Variants in LSAMP observed in about 807,000 individuals in gnomAD.
The protein encoded by LSAMP is limbic system-associated membrane protein.
LSAMP carries 7 observed loss-of-function variants against 38.6 expected under a neutral mutation model. That is an observed-to-expected ratio of 0.18 (90% CI 0.10 to 0.34). The LOEUF is 0.34. LSAMP is among the 10% of genes least tolerant of loss of function. The pLI is 1.00. For synonymous variants in LSAMP, 154 were observed against 166.8 expected, an observed-to-expected ratio of 0.92 and a Z score of 0.59; for missense variants, 313 against 420.0, an observed-to-expected ratio of 0.75 and a Z score of 2.23.
At chr3:116,047,302 T>C (rs1481084279) in intron 2 of LSAMP, among the ~76,000 whole-genome samples, 1 of 151,686 alleles carries the variant, frequency 6.6e-6, no homozygotes, top group Admixed American at 6.6e-5. Flanking sequence ...GAGGCAAATA[T>C]TTCAAAGAGT....
At chr3:116,107,780 A>T (rs1244722438) in intron 1 of LSAMP, among the ~76,000 whole-genome samples, 2 of 152,136 alleles carry the variant, frequency 1.3e-5, no homozygotes, top group Non-Finnish European at 2.9e-5. Context: ...GGTGCAAAGG[A>T]ATAGTAAAGA....
chr3:116,268,244 C>A (rs959763325), intron 1 of LSAMP, among the ~76,000 whole-genome samples: 1 of 151,892 alleles, frequency 6.6e-6, no homozygotes, highest in African/African-American at 2.4e-5. Flanking sequence ...AAGATGCAAC[C>A]ATTCCTTCTT....
intron 1 of LSAMP, among the ~76,000 whole-genome samples, chr3:116,409,363 T>C (rs1476982731): frequency 2.0e-5 from 3 of 152,064 alleles, no homozygotes; most frequent in Non-Finnish European, 4.4e-5. Flanking sequence ...GGTCTTTTTC[T>C]GATCAGTACT....
Position 115,802,550 on chromosome 3 carries a change from C to T in LSAMP, c.*7767G>A, listed in dbSNP as rs375429103. On this transcript the variant is annotated 3_prime_UTR_variant, in exon 7 of 7. Transcript: ENST00000490035. ...AATTTTTTTTTTTTAACACACATTG[C>T]GCTTTTTATCTCCTTCACAGAGCTA... 10 of 149,378 alleles carry T rather than the reference C, an allele frequency of 6.7e-5. No homozygotes were observed. Among genetic ancestry groups the T allele is most frequent in the South Asian group, 2.1e-4 (1 of 4,754 alleles). The allele number at this position is 149,378 out of a possible 1,614,324, so 9.3% of individuals were successfully genotyped here.
intron 3 of LSAMP, among the ~76,000 whole-genome samples, chr3:115,890,576 T>C (rs1234172574): frequency 6.6e-6 from 1 of 151,948 alleles, no homozygotes; most frequent in Non-Finnish European, 1.5e-5. Context: ...TTCTAAGTCC[T>C]CTCACTTTCT....
Position 116,358,692 on chromosome 3 carries a change from CT to C in LSAMP, c.155+86184del, listed in dbSNP as rs2048259708. 3.3e-5 allele frequency among the ~76,000 whole-genome samples: 5 copies of C among 152,146 alleles called. No homozygotes were observed. In the South Asian group the frequency reaches 1.0e-3, roughly 32 times the overall value. ...AAGACATTCTATCTCTTTATGCATA[CT>C]TGTTTCTACACAGAAATGCTGACTG... On this transcript the variant is annotated intron_variant, in intron 1 of 6. Coordinates refer to ENST00000490035, the MANE Select transcript of LSAMP (RefSeq NM_002338.5).
intron 6 of LSAMP, among the ~76,000 whole-genome samples, chr3:115,830,859 T>A (rs987366581): frequency 4.6e-5 from 7 of 152,198 alleles, no homozygotes; most frequent in Admixed American, 2.6e-4. Flanking sequence ...TGAGGGCAGG[T>A]ACGCCCTCTC....
In LSAMP at chr3:115,808,305, T is replaced by A. The variant is rs1933694214; in HGVS notation, c.*2012A>T. On this transcript the variant is annotated 3_prime_UTR_variant, in exon 7 of 7. Transcript: ENST00000490035. ...CATACCATATTTGGCTCTGCAAGAT[T>A]ACATTCAAATATAATCTCAAAATAA... The A allele has an allele frequency of 6.6e-6, 1 of 151,884 alleles. No homozygotes were observed. The highest frequency in any genetic ancestry group is 2.4e-5 in the African/African-American group (1 of 41,294). 9.4% of individuals were successfully genotyped at this position (151,884 alleles called of 1,614,324 possible).
intron 1 of LSAMP, among the ~76,000 whole-genome samples, chr3:116,297,158 T>A (rs1261744086): frequency 6.6e-6 from 1 of 152,180 alleles, no homozygotes; most frequent in Non-Finnish European, 1.5e-5. Context: ...AGGGAATGAA[T>A]CCTGTATTTA....
intron 1 of LSAMP, among the ~76,000 whole-genome samples, chr3:116,105,591 C>T (rs141638392): frequency 2.0e-5 from 3 of 151,844 alleles, no homozygotes; most frequent in Non-Finnish European, 4.4e-5. Flanking sequence ...AGCTTCTGAG[C>T]CAGGAGAAGG....
intron 1 of LSAMP, among the ~76,000 whole-genome samples, chr3:116,396,885 C>T (rs1356357945): frequency 6.6e-6 from 1 of 152,226 alleles, no homozygotes; most frequent in Non-Finnish European, 1.5e-5. Flanking sequence ...ATCTTTCTGT[C>T]ATACTTCACA....
chr3:115,835,051 G>C (rs1182724823), intron 6 of LSAMP, among the ~76,000 whole-genome samples: 1 of 152,136 alleles, frequency 6.6e-6, no homozygotes, highest in African/African-American at 2.4e-5. Context: ...GTTCACATCA[G>C]CTTTAGCCAA....
chr3:116,014,575 C>A (rs1940424672), intron 3 of LSAMP, among the ~76,000 whole-genome samples: 3 of 152,074 alleles, frequency 2.0e-5, no homozygotes, highest in Admixed American at 2.0e-4. Context: ...TACTGCATGG[C>A]CAACAGCCTT....
At chr3:116,375,359 C>A (rs771036627) in intron 1 of LSAMP, among the ~76,000 whole-genome samples, 1 of 151,838 alleles carries the variant, frequency 6.6e-6, no homozygotes, top group South Asian at 2.1e-4. Context: ...TAAGTATATG[C>A]ATCCATGAAA....
intron 1 of LSAMP, among the ~76,000 whole-genome samples, chr3:116,371,029 A>G (rs975139593): frequency 3.3e-5 from 5 of 152,214 alleles, no homozygotes; most frequent in African/African-American, 1.2e-4. Flanking sequence ...AAATCTGAAT[A>G]TATCTACAAG....
At chr3:115,932,023 A>G (rs1937588016) in intron 3 of LSAMP, among the ~76,000 whole-genome samples, 1 of 152,204 alleles carries the variant, frequency 6.6e-6, no homozygotes, top group South Asian at 2.1e-4. Context: ...TTTACAGTGT[A>G]ATTGTTGAGA....
chr3:116,252,013 A>T (rs115649069), intron 1 of LSAMP, among the ~76,000 whole-genome samples: 1 of 152,210 alleles, frequency 6.6e-6, no homozygotes, highest in Non-Finnish European at 1.5e-5. Flanking sequence ...TGAATTGTTT[A>T]ACATACAAGA....
chr3:116,195,596 T>C (rs1710863313), intron 1 of LSAMP, among the ~76,000 whole-genome samples: 2 of 151,786 alleles, frequency 1.3e-5, no homozygotes, highest in Non-Finnish European at 2.9e-5. Context: ...CAAAATAAAT[T>C]GACAGAAGGA....
At chr3:116,089,483 G>A (rs1271285922) in intron 1 of LSAMP, among the ~76,000 whole-genome samples, 3 of 151,890 alleles carry the variant, frequency 2.0e-5, no homozygotes, top group African/African-American at 7.3e-5. Context: ...TCTGCCTCCC[G>A]AGTAGCTGGC....
Sources: gnomAD v4.1 joint callset for allele counts (sites outside exome capture counted in the v4.1 genomes callset) on GRCh38, gnomAD v4.1.1 for gene constraint, MANE v1.5 for transcripts, NCBI Gene and HGNC (gene_info 2026-07-23, HGNC 2026-07-21) for gene names.